MTF2: variants seen among roughly 807,000 people sequenced by gnomAD.
MTF2 encodes metal-response element-binding transcription factor 2.
Under a neutral mutation model 79.5 loss-of-function variants are expected in MTF2, and 11 were observed. The observed-to-expected ratio is 0.14, with a 90% confidence interval of 0.09 to 0.23. The LOEUF (loss-of-function observed/expected upper bound fraction) is 0.23, where lower values mean the gene tolerates loss of function less well. MTF2 is among the 10% of genes least tolerant of loss of function. MTF2 has a pLI of 1.00. For missense variants in MTF2, 486 were observed against 711.2 expected, an observed-to-expected ratio of 0.68 and a Z score of 3.60; for synonymous variants, 208 against 232.8, an observed-to-expected ratio of 0.89 and a Z score of 0.97.
intron 7 of MTF2, among the ~76,000 whole-genome samples, chr1:93,119,081 G>A (rs939199725): frequency 6.6e-6 from 1 of 152,216 alleles, no homozygotes; most frequent in Non-Finnish European, 1.5e-5. Context: ...GTGAGTCTGT[G>A]TGTGAACTTT....
At position 93,137,156 on chromosome 1, in the gene MTF2, A is replaced by G; in HGVS notation, c.*129A>G. On this transcript the variant is annotated 3_prime_UTR_variant, in exon 15 of 15. Coordinates refer to ENST00000370298, the MANE Select transcript of MTF2 (RefSeq NM_007358.4). ...AAGTCAAAAAAATTCAAAAAAGGGGATGATACTAGCCTTAACATGTACCTG... is the reference window on the plus strand; with the variant it reads ...AAGTCAAAAAAATTCAAAAAAGGGGGTGATACTAGCCTTAACATGTACCTG... 2 of 703,368 alleles carry G rather than the reference A, an allele frequency of 2.8e-6. No individual in the cohort carries two copies. The highest frequency in any genetic ancestry group is 4.6e-6 in the Non-Finnish European group (2 of 433,394). The allele number at this position is 703,368 out of a possible 1,614,324, so 43.6% of individuals were successfully genotyped here.
intron 10 of MTF2, 113 bp from the exon 11 acceptor site, chr1:93,129,165 A>G (rs1226314361): frequency 3.3e-6 from 2 of 612,346 alleles, no homozygotes; most frequent in East Asian, 3.3e-5. Flanking sequence ...GAATTTTTGT[A>G]GTATTGGGTG....
rs149975527 is a variant in MTF2, at chr1:93,110,575, A to G, written c.235A>G (p.Ile79Val). ...CATATTGAAACAGAGCTGCTTCATCATATTTGAAGACAGTTCTAAATCCTG... is the reference window on the plus strand; with the variant it reads ...CATATTGAAACAGAGCTGCTTCATCGTATTTGAAGACAGTTCTAAATCCTG... ...INILKQSCFIIFEDSSKSWVL... is the reference protein window; with the variant it reads ...INILKQSCFIVFEDSSKSWVL... Residue 79 changes from isoleucine to valine, a missense_variant, in exon 3 of 15, where the codon ATA (isoleucine) becomes GTA (valine). By Grantham distance (29) the Ile-to-Val change is conservative. Transcript: ENST00000370298. 3.2e-4 allele frequency: 523 copies of G among 1,613,706 alleles called. 2 individuals are homozygous for G. The highest frequency in any genetic ancestry group is 4.3e-4 in the Non-Finnish European group (504 of 1,179,786).
At chr1:93,089,904 G>C (rs1273029707) in intron 1 of MTF2, among the ~76,000 whole-genome samples, 21 of 151,510 alleles carry the variant, frequency 1.4e-4, no homozygotes, top group Admixed American at 1.4e-3. Flanking sequence ...GAGTGCAGTG[G>C]CGCAATCTTT....
At chr1:93,121,076 A>T (rs1656458125) in intron 9 of MTF2, 1 of 976,960 alleles carries the variant, frequency 1.0e-6, no homozygotes, top group Non-Finnish European at 1.2e-6. Flanking sequence ...GTACTCCTTT[A>T]TATATTTCTG....
intron 1 of MTF2, among the ~76,000 whole-genome samples, chr1:93,081,295 T>C (rs1654597475): frequency 6.6e-6 from 1 of 152,240 alleles, no homozygotes; most frequent in South Asian, 2.1e-4. Flanking sequence ...TCATTAACTC[T>C]TTGATTTCAT....
At position 93,136,761 on chromosome 1, in the gene MTF2, A is replaced by C. The variant is rs1647419051; in HGVS notation, c.1516A>C (p.Arg506=). 6.2e-7 allele frequency: 1 copy of C among 1,614,106 alleles called. No homozygotes were observed. The highest frequency in any genetic ancestry group is 8.5e-7 in the Non-Finnish European group (1 of 1,180,046). Residue 506 remains arginine (R), a synonymous_variant, in exon 15 of 15, where the codon AGA becomes CGA. Transcript: ENST00000370298. Reference sequence around the variant, plus strand: ...GAGAAGAAGAGGTCGTCTTCCAAGAAGAGCACTCCAGACTCAGAACTCAGA... The same window carrying C: ...GAGAAGAAGAGGTCGTCTTCCAAGACGAGCACTCCAGACTCAGAACTCAGA... The part of the protein sequence containing the change: ...LRRRRGRLPR[R]ALQTQNSEIV...
chr1:93,134,552 TCTCA>T, intron 14 of MTF2: 1 of 184,534 alleles, frequency 5.4e-6, no homozygotes, highest in Non-Finnish European at 1.1e-5. Context: ...AGAGACAGAT[TCTCA>T]CTCTGTTGCC....
At position 93,136,714 on chromosome 1, in the gene MTF2, C is replaced by T. The variant is rs1170694359; in HGVS notation, c.1469C>T (p.Pro490Leu). 1 of 1,614,008 alleles carries T rather than the reference C, an allele frequency of 6.2e-7. No individual in the cohort carries two copies. The highest frequency in any genetic ancestry group is 1.3e-5 in the African/African-American group (1 of 74,902). ...AGAACGCGTACAGGAAGATCTTGGCCTGCTGCAATACCACATTTGCGGAGA... is the reference window on the plus strand; with the variant it reads ...AGAACGCGTACAGGAAGATCTTGGCTTGCTGCAATACCACATTTGCGGAGA... ...RKRTRTGRSWPAAIPHLRRRR... is the reference protein window; with the variant it reads ...RKRTRTGRSWLAAIPHLRRRR... The change falls in exon 15 of 15, where the codon CCT becomes CTT. Residue 490 changes from proline (P) to leucine (L), a missense_variant. By Grantham distance (98) the Pro-to-Leu change is moderately conservative. Around this residue, in one of 4 missense-constraint regions of MTF2, gnomAD observed 209 missense variants for 206.5 expected, o/e 1.01. Coordinates refer to ENST00000370298, the MANE Select transcript of MTF2 (RefSeq NM_007358.4).
rs933138267 is a variant in MTF2 at position 93,137,903 on chromosome 1, G to C, written c.*876G>C. On this transcript the variant is annotated 3_prime_UTR_variant, in exon 15 of 15. Coordinates refer to ENST00000370298, the MANE Select transcript of MTF2 (RefSeq NM_007358.4). ...TTAGTCCTTGTAACTCAGCTGTTCA[G>C]TACCTAAAACAAATTCAAATAATAT... The C allele has an allele frequency of 1.3e-5, 2 of 152,144 alleles. No homozygotes were observed. Among genetic ancestry groups the C allele is most frequent in the Non-Finnish European group, 2.9e-5 (2 of 68,016 alleles). The allele number at this position is 152,144 out of a possible 1,614,324, so 9.4% of individuals were successfully genotyped here.
intron 1 of MTF2, among the ~76,000 whole-genome samples, chr1:93,098,239 C>T (rs547289336): frequency 6.6e-6 from 1 of 152,334 alleles, no homozygotes; most frequent in Non-Finnish European, 1.5e-5. Flanking sequence ...AACTACTACT[C>T]ATCCTTTAAG....
At chr1:93,105,358 A>AC (rs1401392336) in intron 1 of MTF2, among the ~76,000 whole-genome samples, 1 of 152,038 alleles carries the variant, frequency 6.6e-6, no homozygotes, top group African/African-American at 2.4e-5. Flanking sequence ...TAGTTATTCT[A>AC]CCCCCCATCC....
intron 1 of MTF2, among the ~76,000 whole-genome samples, chr1:93,104,517 A>G (rs1234867038): frequency 1.3e-5 from 2 of 151,460 alleles, no homozygotes; most frequent in Non-Finnish European, 2.9e-5. Flanking sequence ...TGTCTCTACT[A>G]AAAATACAAA....
intron 7 of MTF2, among the ~76,000 whole-genome samples, chr1:93,118,665 T>A (rs1370783779): frequency 1.3e-5 from 2 of 152,212 alleles, no homozygotes; most frequent in Admixed American, 1.3e-4. Context: ...TTTGCTCCTA[T>A]TGACCCATAG....
At chr1:93,108,393 T>C (rs1014745293) in intron 1 of MTF2, among the ~76,000 whole-genome samples, 2 of 152,234 alleles carry the variant, frequency 1.3e-5, no homozygotes, top group Admixed American at 1.3e-4. Context: ...TTTTTGTTTA[T>C]CTGGGAGTTT....
chr1:93,083,240 G>A (rs761938640), intron 1 of MTF2, among the ~76,000 whole-genome samples: 11 of 152,066 alleles, frequency 7.2e-5, no homozygotes, highest in Non-Finnish European at 1.3e-4. Context: ...GAACAGCAGG[G>A]GGGAAAATCT....
intron 9 of MTF2, 29 bp from the exon 10 acceptor site, chr1:93,127,203 G>A: frequency 1.3e-6 from 2 of 1,528,578 alleles, no homozygotes; most frequent in Non-Finnish European, 1.8e-6. Flanking sequence ...AAATTGTAGT[G>A]CGTTAAATTG....
At chr1:93,117,989 C>G (rs1187088217) in intron 6 of MTF2, among the ~76,000 whole-genome samples, 1 of 152,108 alleles carries the variant, frequency 6.6e-6, no homozygotes, top group Non-Finnish European at 1.5e-5. Context: ...TGCTGCTGCA[C>G]TCCAGCCTGG....
At chr1:93,116,512 T>G (rs1656255542) in intron 6 of MTF2, among the ~76,000 whole-genome samples, 1 of 150,632 alleles carries the variant, frequency 6.6e-6, no homozygotes. Flanking sequence ...TTTTTTTTTT[T>G]TTTTTTTTTG....
Sources: gnomAD v4.1 joint callset for allele counts (sites outside exome capture counted in the v4.1 genomes callset) on GRCh38, gnomAD v4.1.1 for gene constraint, gnomAD v4.1.1 regional missense constraint, MANE v1.5 for transcripts, NCBI Gene and HGNC (gene_info 2026-07-23, HGNC 2026-07-21) for gene names.